The following FAM124A variants were observed in gnomAD, a reference collection of about 807,000 sequenced individuals.
The protein encoded by FAM124A is family with sequence similarity 124 member A.
In FAM124A, 23 loss-of-function variants were observed where a neutral mutation model predicts 24.5. That is an observed-to-expected ratio of 0.94 (90% CI 0.68 to 1.33). FAM124A has a LOEUF of 1.33. Among genes scored for constraint, FAM124A ranks in the 40% most tolerant of loss-of-function variants. FAM124A has a pLI of 0.00. For missense variants in FAM124A, 623 were observed against 722.8 expected (o/e 0.86, Z 1.58); for synonymous variants, 287 against 314.7 (o/e 0.91, Z 0.93).
At chr13:51,225,569 A>G (rs1177741804) in intron 1 of FAM124A, among the ~76,000 whole-genome samples, 1 of 152,242 alleles carries the variant, frequency 6.6e-6, no homozygotes, top group Non-Finnish European at 1.5e-5. Flanking sequence ...AGAAAGAAGA[A>G]TATGAATCAT....
intron 1 of FAM124A, 95 bp from the exon 2 acceptor site, chr13:51,231,253 A>T (rs143422842): frequency 7.4e-7 from 1 of 1,343,306 alleles, no homozygotes; most frequent in Non-Finnish European, 1.1e-6. Flanking sequence ...TTTCTTTACC[A>T]GCTAAATGCT....
chr13:51,277,349 C>T (rs1954894642), intron 3 of FAM124A, among the ~76,000 whole-genome samples: 1 of 151,982 alleles, frequency 6.6e-6, no homozygotes. Context: ...GGGAGGGTGA[C>T]CAGGGGTGAG....
intron 1 of FAM124A, among the ~76,000 whole-genome samples, chr13:51,229,262 T>A (rs1954348880): frequency 6.6e-6 from 1 of 152,210 alleles, no homozygotes; most frequent in Admixed American, 6.5e-5. Context: ...GAGAGAGACA[T>A]GATCAGATTT....
At chr13:51,269,086 A>T (rs1404600096) in intron 3 of FAM124A, among the ~76,000 whole-genome samples, 1 of 152,230 alleles carries the variant, frequency 6.6e-6, no homozygotes, top group Non-Finnish European at 1.5e-5. Flanking sequence ...TCCCTGTTAC[A>T]GAAACCACAA....
At position 51,251,621 on chromosome 13, in the gene FAM124A, G is replaced by C; in HGVS notation, c.254G>C (p.Arg85Pro). 1 of 1,563,870 alleles carries C rather than the reference G, an allele frequency of 6.4e-7. No individual in the cohort carries two copies. The highest frequency in any genetic ancestry group is 8.7e-7 in the Non-Finnish European group (1 of 1,152,502). ...CCGCTGTTCCGGGTGTCCGAGAGGC[G>C]GGCGTCCCGGCGGCGGCGGAAGCCC... ...DLPLFRVSER[R>P]ASRRRRKPPK... Residue 85 changes from arginine (R) to proline (P), a missense_variant, in exon 3 of 4, where the codon CGG (arginine) becomes CCG (proline). By Grantham distance (103) the Arg-to-Pro change is moderately radical. Coordinates refer to ENST00000322475, the MANE Select transcript of FAM124A (RefSeq NM_001242312.2). The surrounding 1 kb of genome is among the most constrained non-coding windows in gnomAD (Gnocchi z 5.3).
rs56841853 is a variant in FAM124A at position 51,283,795 on chromosome 13, A to AT, written c.*2539_*2540insT. The AT allele has an allele frequency of 2.0e-5, 3 of 149,126 alleles. No individual in the cohort carries two copies. Among genetic ancestry groups the AT allele is most frequent in the Non-Finnish European group, 4.4e-5 (3 of 67,524 alleles). 9.2% of individuals were successfully genotyped at this position (149,126 alleles called of 1,614,324 possible). A position where few individuals can be genotyped will look rare whatever the true frequency, so the allele number is the denominator to read the frequency against. On this transcript the variant is annotated 3_prime_UTR_variant, in exon 4 of 4. Coordinates refer to ENST00000322475, the MANE Select transcript of FAM124A (RefSeq NM_001242312.2). The stretch of plus-strand genomic sequence containing the variant: ...AAAAAAAAAAAAAAAAAAAAAAAAA[A>AT]GGCTAATGGCCGAGGGCTGGCTCCT...
intron 3 of FAM124A, among the ~76,000 whole-genome samples, chr13:51,273,449 C>A (rs533917259): frequency 2.6e-4 from 39 of 152,194 alleles, no homozygotes; most frequent in Admixed American, 3.9e-4. Flanking sequence ...TGTACTTTTT[C>A]TTTTAATGAG....
intron 3 of FAM124A, among the ~76,000 whole-genome samples, chr13:51,267,726 A>G (rs1260578954): frequency 6.6e-6 from 1 of 151,732 alleles, no homozygotes; most frequent in East Asian, 1.9e-4. Flanking sequence ...TGCTCTGAGT[A>G]TAAGGGTTAA....
chr13:51,261,373 C>T (rs958060343), intron 3 of FAM124A, among the ~76,000 whole-genome samples: 4 of 152,232 alleles, frequency 2.6e-5, no homozygotes, highest in African/African-American at 9.7e-5. Flanking sequence ...TTTCAGCCAA[C>T]TGCATTGCCT....
chr13:51,258,205 A>G lies in FAM124A; in HGVS notation c.834+6004A>G, dbSNP rs1208204624. Among the ~76,000 whole-genome samples the G allele has an allele frequency of 6.6e-6, 1 of 152,086 alleles. No homozygotes were observed. The highest frequency in any genetic ancestry group is 2.4e-5 in the African/African-American group (1 of 41,408). On this transcript the variant is annotated intron_variant, in intron 3 of 3. Transcript: ENST00000322475. This position sits in a 1 kb window ranked among gnomAD's most constrained non-coding sequence, Gnocchi z 4.2. ...ACCAGTTCTATTGTATTAGGGGCTC[A>G]CCTTTCTCCAGCATGACCTCATCCT...
intron 1 of FAM124A, among the ~76,000 whole-genome samples, chr13:51,224,763 CT>C (rs1244621466): frequency 1.3e-5 from 2 of 152,208 alleles, no homozygotes; most frequent in Admixed American, 1.3e-4. Flanking sequence ...CCCTTTCAAA[CT>C]TTTATGGCTC....
At position 51,272,840 on chromosome 13, in the gene FAM124A, T is replaced by C. The variant is rs532893275; in HGVS notation, c.835-7610T>C. Among the ~76,000 whole-genome samples, 28 of 152,330 alleles carry C rather than the reference T, an allele frequency of 1.8e-4. No homozygotes were observed. In the South Asian group the frequency reaches 5.8e-3, roughly 32 times the overall value. Reference sequence around the variant, plus strand: ...CCTAACACCTGCCCAGGCAGGAGGCTGAGGGAGTCCCCTCTCGGGAGAACT... The same window carrying C: ...CCTAACACCTGCCCAGGCAGGAGGCCGAGGGAGTCCCCTCTCGGGAGAACT... On this transcript the variant is annotated intron_variant, in intron 3 of 3. Coordinates refer to ENST00000322475, the MANE Select transcript of FAM124A (RefSeq NM_001242312.2). This position sits in a 1 kb window ranked among gnomAD's most constrained non-coding sequence, Gnocchi z 4.2.
chr13:51,232,883 T>C (rs1022038335), intron 2 of FAM124A, among the ~76,000 whole-genome samples: 5 of 152,228 alleles, frequency 3.3e-5, no homozygotes, highest in Admixed American at 1.3e-4. Context: ...TCTATAGTTA[T>C]CAAAACTGGT....
At chr13:51,239,869 G>A (rs1043523683) in intron 2 of FAM124A, among the ~76,000 whole-genome samples, 63 of 152,276 alleles carry the variant, frequency 4.1e-4, no homozygotes, top group African/African-American at 1.5e-3. Context: ...ATAACAATGA[G>A]CAAAATTACT....
intron 3 of FAM124A, among the ~76,000 whole-genome samples, chr13:51,259,324 C>T (rs918515302): frequency 2.6e-5 from 4 of 152,090 alleles, no homozygotes; most frequent in East Asian, 3.9e-4. Flanking sequence ...AACCCTCCAG[C>T]GGCTGCTCAT....
At chr13:51,246,408 G>GC (rs1462798700) in intron 2 of FAM124A, among the ~76,000 whole-genome samples, 5 of 143,788 alleles carry the variant, frequency 3.5e-5, no homozygotes, top group South Asian at 2.3e-4. Context: ...GTGGGGTGGG[G>GC]GGGGGTGTAA....
chr13:51,225,036 T>G (rs573829706), intron 1 of FAM124A: 3 of 152,318 alleles, frequency 2.0e-5, no homozygotes, highest in East Asian at 1.9e-4. Flanking sequence ...ATCCTTAATT[T>G]GGGGTCCATG....
intron 2 of FAM124A, among the ~76,000 whole-genome samples, chr13:51,242,723 C>A (rs536200790): frequency 3.9e-5 from 6 of 152,122 alleles, no homozygotes; most frequent in East Asian, 1.9e-4. Context: ...GAAAAAAAAA[C>A]CGGCAGGGTA....
chr13:51,280,998 G>A lies in FAM124A; in HGVS notation c.1383G>A (p.Arg461=). The A allele has an allele frequency of 6.2e-7, 1 of 1,614,032 alleles. No individual in the cohort carries two copies. Among genetic ancestry groups the A allele is most frequent in the South Asian group, 1.1e-5 (1 of 91,082 alleles). The change falls in exon 4 of 4, where the codon AGG becomes AGA. Residue 461 remains arginine (R), a synonymous_variant. Coordinates refer to ENST00000322475, the MANE Select transcript of FAM124A (RefSeq NM_001242312.2). ...ACTGGGCAGCTCACAAGGATTCCAGGGAGGGACCACTGCCCACTGTCAGCA... is the reference window on the plus strand; with the variant it reads ...ACTGGGCAGCTCACAAGGATTCCAGAGAGGGACCACTGCCCACTGTCAGCA... ...SSHWAAHKDS[R]EGPLPTVSRV...
Sources: allele counts gnomAD v4.1 joint callset (sites outside exome capture counted in the v4.1 genomes callset), GRCh38; gene constraint gnomAD v4.1.1; non-coding constraint Gnocchi (gnomAD v3.1); transcripts MANE v1.5; gene names NCBI Gene and HGNC (gene_info 2026-07-23, HGNC 2026-07-21).